SLC44A1: variants seen among roughly 807,000 people sequenced by gnomAD.
SLC44A1 encodes choline transporter-like protein 1.
Under a neutral mutation model 79.3 loss-of-function variants are expected in SLC44A1, and 26 were observed. The observed-to-expected ratio is 0.33, with a 90% CI of 0.24 to 0.46. The LOEUF is 0.46. Ranked by LOEUF, SLC44A1 falls within the 20% of genes least tolerant of loss-of-function variation. The probability of loss-of-function intolerance (pLI) is 1.00; values close to 1 mark genes in which losing one functional copy is unlikely to be tolerated. For missense variants in SLC44A1, 688 were observed against 798.1 expected, an observed-to-expected ratio of 0.86 and a Z score of 1.66; for synonymous variants, 263 against 286.2, an observed-to-expected ratio of 0.92 and a Z score of 0.82.
intron 15 of SLC44A1, among the ~76,000 whole-genome samples, chr9:105,428,016 G>T (rs1253947108): frequency 6.6e-6 from 1 of 152,028 alleles, no homozygotes; most frequent in Non-Finnish European, 1.5e-5. Flanking sequence ...TTGAATAAAA[G>T]ATTTTTATGT....
Position 105,319,912 on chromosome 9 carries a change from A to C in SLC44A1, c.269+10046A>C, listed in dbSNP as rs184692060. Among the ~76,000 whole-genome samples the C allele has an allele frequency of 5.3e-5, 8 of 152,324 alleles. No homozygotes were observed. The East Asian group carries it at 1.3e-3, about 26-fold the overall frequency. ...TACATATAGTAAAATTTACTCATTC[A>C]AGTGTAGTTTGAATTTGGTAACTAT... is the stretch of plus-strand genomic sequence containing the variant. On this transcript the variant is annotated intron_variant, in intron 3 of 15. Transcript: ENST00000374720.
chr9:105,279,311 A>C (rs1402698398), intron 1 of SLC44A1, among the ~76,000 whole-genome samples: 1 of 151,136 alleles, frequency 6.6e-6, no homozygotes, highest in East Asian at 1.9e-4. Context: ...AACTAGGAAA[A>C]GAAAACTTTT....
intron 15 of SLC44A1, among the ~76,000 whole-genome samples, chr9:105,424,948 C>CAAAAAAA (rs200345209): frequency 1.1e-4 from 11 of 96,170 alleles, no homozygotes; most frequent in African/African-American, 4.2e-4. Context: ...GACTCCATCT[C>CAAAAAAA]AAAAAAAAAA....
intron 1 of SLC44A1, among the ~76,000 whole-genome samples, chr9:105,295,657 A>G (rs967914569): frequency 8.6e-5 from 13 of 151,876 alleles, no homozygotes; most frequent in African/African-American, 1.7e-4. Flanking sequence ...AAATTTTTCA[A>G]TGTGAGGAGA....
chr9:105,248,957 G>T (rs1289580606), intron 1 of SLC44A1, among the ~76,000 whole-genome samples: 1 of 152,140 alleles, frequency 6.6e-6, no homozygotes, highest in African/African-American at 2.4e-5. Context: ...TGCTTTAGAG[G>T]CCAGGAGATT....
intron 3 of SLC44A1, among the ~76,000 whole-genome samples, chr9:105,335,234 T>A (rs1826875342): frequency 6.6e-6 from 1 of 151,852 alleles, no homozygotes; most frequent in African/African-American, 2.4e-5. Flanking sequence ...ATTCCAATAA[T>A]TTTTTTTGGT....
At chr9:105,277,527 G>C (rs328006) in intron 1 of SLC44A1, among the ~76,000 whole-genome samples, 32,655 of 152,090 alleles carry the variant, frequency 0.21, 6,260 homozygotes, top group African/African-American at 0.51. Flanking sequence ...TCTATGGGGA[G>C]CCAAATGTTT....
intron 14 of SLC44A1, among the ~76,000 whole-genome samples, chr9:105,385,181 G>A (rs890710450): frequency 1.3e-5 from 2 of 152,152 alleles, no homozygotes; most frequent in African/African-American, 4.8e-5. Context: ...ATCTCTTGGA[G>A]CCTTAGTAAG....
intron 7 of SLC44A1, among the ~76,000 whole-genome samples, chr9:105,359,649 A>AT (rs1282725038): frequency 1.3e-5 from 2 of 152,064 alleles, no homozygotes; most frequent in African/African-American, 2.4e-5. Flanking sequence ...ATTTCATTCT[A>AT]TTTTTTTAAC....
chr9:105,372,949 CAAAA>C (rs1276208690), intron 12 of SLC44A1, among the ~76,000 whole-genome samples: 3 of 84,594 alleles, frequency 3.5e-5, no homozygotes, highest in African/African-American at 4.3e-5. Context: ...GACTCCGTCT[CAAAA>C]AAAAAAAAAA....
intron 8 of SLC44A1, among the ~76,000 whole-genome samples, chr9:105,362,135 CAT>C (rs1456558101): frequency 1.3e-5 from 2 of 152,060 alleles, no homozygotes; most frequent in Non-Finnish European, 2.9e-5. Context: ...TACCAATTAA[CAT>C]GTGGTTAAAT....
intron 3 of SLC44A1, among the ~76,000 whole-genome samples, chr9:105,325,114 A>C (rs184737805): frequency 6.6e-6 from 1 of 152,250 alleles, no homozygotes; most frequent in South Asian, 2.1e-4. Flanking sequence ...ATGTACATCA[A>C]CTGATGACAG....
rs546156261 is a variant in SLC44A1 at position 105,422,679 on chromosome 9, G to A, written c.1951-15602G>A. On this transcript the variant is annotated intron_variant, in intron 15 of 15. Coordinates refer to the SLC44A1 transcript ENST00000374724. ...TGCTGTGGCCATTTGGCTAATTAGA[G>A]GGCCAAATTTGCATTGTAAAATGGT... Among the ~76,000 whole-genome samples the A allele has an allele frequency of 7.2e-5, 11 of 152,182 alleles. 1 individual carries two copies. Among genetic ancestry groups the A allele is most frequent in the African/African-American group, 2.7e-4 (11 of 41,492 alleles).
chr9:105,311,939 G>T (rs753433644), intron 3 of SLC44A1, among the ~76,000 whole-genome samples: 1 of 152,004 alleles, frequency 6.6e-6, no homozygotes, highest in Non-Finnish European at 1.5e-5. Context: ...AAATGCATTG[G>T]TTTCCTTCCT....
chr9:105,376,177 T>G (rs893358199), intron 13 of SLC44A1, among the ~76,000 whole-genome samples: 17 of 152,158 alleles, frequency 1.1e-4, no homozygotes, highest in African/African-American at 3.6e-4. Context: ...TAGCATTGTG[T>G]GTGATGAAGT....
intron 15 of SLC44A1, among the ~76,000 whole-genome samples, chr9:105,417,934 T>C (rs896994646): frequency 2.7e-5 from 4 of 150,110 alleles, no homozygotes; most frequent in Admixed American, 2.0e-4. Flanking sequence ...GGAGTTTTGC[T>C]TGAGCCCAGG....
chr9:105,402,750 G>A (rs186657037), intron 15 of SLC44A1, among the ~76,000 whole-genome samples: 1 of 152,184 alleles, frequency 6.6e-6, no homozygotes, highest in Admixed American at 6.5e-5. Flanking sequence ...GTGCTTCTAT[G>A]CTAACAAGAA....
intron 10 of SLC44A1, 123 bp from the exon 11 acceptor site, chr9:105,365,360 A>T (rs1181334983): frequency 5.9e-6 from 4 of 680,070 alleles, no homozygotes; most frequent in Non-Finnish European, 9.9e-6. Context: ...ATTTTGTCAT[A>T]AAGCTAAAAT....
intron 3 of SLC44A1, among the ~76,000 whole-genome samples, chr9:105,333,873 A>AGTG (rs921499505): frequency 2.0e-5 from 3 of 151,572 alleles, no homozygotes; most frequent in Non-Finnish European, 4.4e-5. Flanking sequence ...TAGCAGTGAT[A>AGTG]GTGGTGGTGG....
Sources: allele counts gnomAD v4.1 joint callset (sites outside exome capture counted in the v4.1 genomes callset), GRCh38; gene constraint gnomAD v4.1.1; transcripts MANE v1.5; gene names NCBI Gene and HGNC (gene_info 2026-07-23, HGNC 2026-07-21).